PDXDC1: variants seen among roughly 807,000 people sequenced by gnomAD.
The protein encoded by PDXDC1 is pyridoxal dependent decarboxylase domain containing 1.
PDXDC1 carries 42 observed loss-of-function variants against 100.1 expected under a neutral mutation model. The ratio of observed to expected loss-of-function variants is 0.42; its 90% CI spans 0.33 to 0.54. The LOEUF (loss-of-function observed/expected upper bound fraction) is 0.54. Among genes scored for constraint, PDXDC1 ranks in the 20% least tolerant of loss-of-function variants. The probability of loss-of-function intolerance (pLI) is 0.10; values close to 1 mark genes in which losing one functional copy is unlikely to be tolerated. For synonymous variants in PDXDC1, 260 were observed against 371.7 expected (o/e 0.70, Z 3.46); for missense variants, 636 against 979.2 (o/e 0.65, Z 4.68).
intron 16 of PDXDC1, chr16:15,134,135 C>T: frequency 7.8e-7 from 1 of 1,285,300 alleles, no homozygotes; most frequent in Non-Finnish European, 1.1e-6. Flanking sequence ...CCACTTCTGC[C>T]TGCAGGCCCC....
At chr16:14,988,815 A>G (rs1424689021) in intron 1 of PDXDC1, 1 of 1,613,834 alleles carries the variant, frequency 6.2e-7, no homozygotes, top group African/African-American at 1.3e-5. Flanking sequence ...GCCCTGCAGG[A>G]TGCCTGGGGC....
At chr16:15,136,159 G>A in intron 16 of PDXDC1, 2 of 1,128,442 alleles carry the variant, frequency 1.8e-6, no homozygotes, top group Non-Finnish European at 2.6e-6. Context: ...ATGCCAGGGG[G>A]CTCAGGGCAC....
At chr16:15,085,201 T>A (rs2045869893) in intron 16 of PDXDC1, among the ~76,000 whole-genome samples, 1 of 152,242 alleles carries the variant, frequency 6.6e-6, no homozygotes, top group Non-Finnish European at 1.5e-5. Flanking sequence ...GGACTAATTA[T>A]ATAAATAATG....
chr16:15,087,207 A>C (rs1481653703), intron 16 of PDXDC1, among the ~76,000 whole-genome samples: 1 of 152,230 alleles, frequency 6.6e-6, no homozygotes, highest in Non-Finnish European at 1.5e-5. Context: ...AAAGCAACAC[A>C]AGGTCATACC....
intron 16 of PDXDC1, chr16:15,122,041 G>C (rs1358799836): frequency 6.9e-6 from 2 of 289,556 alleles, no homozygotes; most frequent in Non-Finnish European, 1.3e-5. Flanking sequence ...GCCAGGCGTT[G>C]TAATCTGAGC....
chr16:14,993,146 T>A (rs1486503491), intron 1 of PDXDC1, among the ~76,000 whole-genome samples: 6 of 152,284 alleles, frequency 3.9e-5, no homozygotes, highest in Non-Finnish European at 7.3e-5. Context: ...TTTTTTTTAA[T>A]TTTTTAAAAT....
In PDXDC1 at chr16:15,013,933, G is replaced by T. The variant is rs1208373958; in HGVS notation, c.728-2196G>T. Among the ~76,000 whole-genome samples the T allele has an allele frequency of 2.0e-5, 3 of 152,186 alleles. No homozygotes were observed. In the East Asian group the frequency reaches 5.8e-4, roughly 30 times the overall value. ...ATAAAACTGCTTATTTAGGCCGGGT[G>T]CGGTGGCTCATGCATGTAATTCCAG... On this transcript the variant is annotated intron_variant, in intron 8 of 22. Coordinates refer to ENST00000396410, the MANE Select transcript of PDXDC1 (RefSeq NM_015027.4).
chr16:15,036,067 C>T lies in PDXDC1; in HGVS notation c.2159C>T (p.Thr720Ile), dbSNP rs373646903. The T allele has an allele frequency of 1.9e-6, 3 of 1,613,914 alleles. No individual in the cohort carries two copies. Among genetic ancestry groups the T allele is most frequent in the Middle Eastern group, 1.6e-4 (1 of 6,082 alleles). ...SLRGSDALSETSSVSHIEDLE... is the reference protein window; with the variant it reads ...SLRGSDALSEISSVSHIEDLE... ...CGAGGTTCAGATGCTTTGAGTGAGA[C>T]CAGCTCAGTCAGTCACATTGAAGAC... is the stretch of plus-strand genomic sequence containing the variant. The change falls in exon 23 of 23, where the codon ACC becomes ATC. Residue 720 changes from threonine (T) to isoleucine (I), a missense_variant. Physicochemically the swap from Thr to Ile is moderately conservative, Grantham distance 89 (BLOSUM62 -1). Coordinates refer to ENST00000396410, the MANE Select transcript of PDXDC1 (RefSeq NM_015027.4).
intron 16 of PDXDC1, among the ~76,000 whole-genome samples, chr16:15,059,532 G>T (rs2966128): frequency 0.65 from 99,468 of 151,958 alleles, 34,319 homozygotes; most frequent in Non-Finnish European, 0.76. Context: ...CTTGCTCAAC[G>T]TCAAACAGCT....
Position 15,004,172 on chromosome 16 carries a change from A to G in PDXDC1, c.243-15A>G, listed in dbSNP as rs372298201. On this transcript the variant is annotated splice_polypyrimidine_tract_variant and intron_variant, in intron 4 of 22. Coordinates refer to ENST00000396410, the MANE Select transcript of PDXDC1 (RefSeq NM_015027.4). ...TTTTATGGTTTGACTCTAATACTTT[A>G]ATTTTGCTTAACAGAATCCAAAATA... 13 of 1,609,298 alleles carry G rather than the reference A, an allele frequency of 8.1e-6. No individual in the cohort carries two copies. The African/African-American group carries it at 1.7e-4, about 22-fold the overall frequency.
At chr16:15,100,565 G>C (rs1259666859) in intron 16 of PDXDC1, among the ~76,000 whole-genome samples, 1 of 152,074 alleles carries the variant, frequency 6.6e-6, no homozygotes, top group South Asian at 2.1e-4. Context: ...CAGCATCCCT[G>C]GCCTCTACCC....
At chr16:15,070,269 A>C in intron 16 of PDXDC1, 1 of 1,611,540 alleles carries the variant, frequency 6.2e-7, no homozygotes, top group South Asian at 1.1e-5. Context: ...AGAAAAGAAA[A>C]ATTCAAGTCA....
At chr16:15,027,024 G>A (rs531045314) in intron 14 of PDXDC1, among the ~76,000 whole-genome samples, 1 of 135,910 alleles carries the variant, frequency 7.4e-6, no homozygotes, top group Non-Finnish European at 1.6e-5. Flanking sequence ...GTTGTGCCCA[G>A]GAATCTGTAT....
downstream of PDXDC1, among the ~76,000 whole-genome samples, chr16:15,143,474 G>A (rs1006193512): frequency 3.8e-4 from 58 of 152,180 alleles, no homozygotes; most frequent in African/African-American, 7.2e-4. Flanking sequence ...CCACCCGGGC[G>A]TGTGAACCCC....
chr16:15,110,746 T>C lies in PDXDC1; in HGVS notation c.1400-28133T>C, dbSNP rs201325022. ...CCTTCCTGTCTACGGCGGTTGGACC[T>C]CCTGGCTCTCTGCTGTACATCCGTG... is the stretch of plus-strand genomic sequence containing the variant. On this transcript the variant is annotated intron_variant, in intron 16 of 16. Transcript: ENST00000535621. 163 of 1,587,272 alleles carry C rather than the reference T, an allele frequency of 1.0e-4. 4 individuals are homozygous for C. The highest frequency in any genetic ancestry group is 1.3e-4 in the Non-Finnish European group (155 of 1,172,664).
chr16:15,089,614 C>T (rs2046041430), intron 16 of PDXDC1, among the ~76,000 whole-genome samples: 2 of 151,012 alleles, frequency 1.3e-5, no homozygotes, highest in Admixed American at 1.3e-4. Context: ...TCCTGGCTAA[C>T]ATGGTGAAAC....
intron 16 of PDXDC1, among the ~76,000 whole-genome samples, chr16:15,110,157 AAAAAG>A (rs1223929460): frequency 6.7e-6 from 1 of 150,206 alleles, no homozygotes; most frequent in African/African-American, 2.4e-5. Context: ...GGAAAAAAAA[AAAAAG>A]AGAGAGAGAG....
In PDXDC1 at chr16:15,090,308, G is replaced by C. The variant is rs995249454; in HGVS notation, c.1400-48571G>C. On this transcript the variant is annotated intron_variant, in intron 16 of 16. Transcript: ENST00000535621. ...ATAAGAACAGTGGACTTAAATGTGA[G>C]TGAGAAATGATACAGCGCAGTCAGC... is the stretch of plus-strand genomic sequence containing the variant. Among the ~76,000 whole-genome samples, 9 of 152,314 alleles carry C rather than the reference G, an allele frequency of 5.9e-5. 1 individual carries two copies. The East Asian group carries it at 7.7e-4, about 13-fold the overall frequency.
intron 16 of PDXDC1, among the ~76,000 whole-genome samples, chr16:15,093,177 G>C (rs2046207710): frequency 6.6e-6 from 1 of 152,078 alleles, no homozygotes; most frequent in South Asian, 2.1e-4. Flanking sequence ...GCTGATTTTT[G>C]TATTTTCAGT....
Sources: gnomAD v4.1 joint callset for allele counts (sites outside exome capture counted in the v4.1 genomes callset) on GRCh38, gnomAD v4.1.1 for gene constraint, MANE v1.5 for transcripts, NCBI Gene and HGNC (gene_info 2026-07-23, HGNC 2026-07-21) for gene names.